CNTN4: variants seen among roughly 807,000 people sequenced by gnomAD.
CNTN4 encodes the protein contactin-4.
Under a neutral mutation model 122.5 loss-of-function variants are expected in CNTN4, and 77 were observed. The ratio of observed to expected loss-of-function variants is 0.63; its 90% CI spans 0.52 to 0.76. The LOEUF (loss-of-function observed/expected upper bound fraction) is 0.76, where lower values mean the gene tolerates loss of function less well. Among genes scored for constraint, CNTN4 ranks in the 30% least tolerant of loss-of-function variants. CNTN4 has a pLI of 0.00. For synonymous variants in CNTN4, 512 were observed against 447.0 expected, an observed-to-expected ratio of 1.15 and a Z score of -1.83; for missense variants, 1,256 against 1,259.1, an observed-to-expected ratio of 1.00 and a Z score of 0.04.
intron 8 of CNTN4, among the ~76,000 whole-genome samples, chr3:2,871,455 A>G (rs2093783333): frequency 6.6e-6 from 1 of 152,180 alleles, no homozygotes; most frequent in Admixed American, 6.6e-5. Flanking sequence ...GTTAAACTCT[A>G]AAGGGTTTAA....
chr3:2,214,870 C>T (rs1464055430), intron 2 of CNTN4, among the ~76,000 whole-genome samples: 1 of 152,108 alleles, frequency 6.6e-6, no homozygotes, highest in African/African-American at 2.4e-5. Context: ...TATTGGAGGT[C>T]ACTCAAAAAG....
At chr3:2,334,723 G>T (rs919641428) in intron 2 of CNTN4, among the ~76,000 whole-genome samples, 1 of 152,104 alleles carries the variant, frequency 6.6e-6, no homozygotes, top group Non-Finnish European at 1.5e-5. Flanking sequence ...ACAAATCCAG[G>T]TCTGACTCTA....
At chr3:2,689,021 A>G (rs2085585045) in intron 4 of CNTN4, among the ~76,000 whole-genome samples, 1 of 152,196 alleles carries the variant, frequency 6.6e-6, no homozygotes, top group Non-Finnish European at 1.5e-5. Context: ...TGAGACTGGA[A>G]TCTAGTCTAA....
chr3:2,270,640 GGA>G (rs1185378585), intron 2 of CNTN4, among the ~76,000 whole-genome samples: 1 of 148,054 alleles, frequency 6.8e-6, no homozygotes, highest in Non-Finnish European at 1.5e-5. Flanking sequence ...ATGATGACAA[GGA>G]GGGGGGAAAA....
intron 13 of CNTN4, 113 bp from the exon 14 acceptor site, chr3:2,988,232 A>G (rs1694754996): frequency 9.7e-7 from 1 of 1,025,956 alleles, no homozygotes; most frequent in Non-Finnish European, 1.5e-6. Context: ...TCTTTACTAC[A>G]AATAATGTAG....
At chr3:2,651,231 G>C (rs1432512412) in intron 4 of CNTN4, among the ~76,000 whole-genome samples, 1 of 152,014 alleles carries the variant, frequency 6.6e-6, no homozygotes, top group Non-Finnish European at 1.5e-5. Context: ...ATCTTTTTGA[G>C]CCTCTTTCCT....
chr3:2,235,736 T>G (rs1344809656), intron 2 of CNTN4, among the ~76,000 whole-genome samples: 1 of 152,218 alleles, frequency 6.6e-6, no homozygotes, highest in African/African-American at 2.4e-5. Context: ...TCTAGTATTA[T>G]GCTTATTCTT....
intron 3 of CNTN4, among the ~76,000 whole-genome samples, chr3:2,440,234 A>G (rs896297934): frequency 2.0e-5 from 3 of 152,158 alleles, no homozygotes; most frequent in African/African-American, 7.2e-5. Context: ...GGAAATCATC[A>G]TTCTCAGTAA....
intron 6 of CNTN4, among the ~76,000 whole-genome samples, chr3:2,750,069 C>A (rs77778946): frequency 2.0e-5 from 3 of 152,156 alleles, no homozygotes; most frequent in Non-Finnish European, 2.9e-5. Context: ...CATTAAAGGT[C>A]TCCTGGCCTG....
chr3:3,011,764 C>T (rs769746408), intron 14 of CNTN4, among the ~76,000 whole-genome samples: 14 of 152,112 alleles, frequency 9.2e-5, no homozygotes, highest in Non-Finnish European at 1.8e-4. Flanking sequence ...TTCATGTGAG[C>T]GTCTTCCTCT....
chr3:2,627,709 G>A (rs550267428), intron 4 of CNTN4, among the ~76,000 whole-genome samples: 39 of 152,066 alleles, frequency 2.6e-4, no homozygotes, highest in South Asian at 8.3e-4. Flanking sequence ...TAGCCAGGAT[G>A]GTCTCGATCT....
chr3:2,857,429 A>G (rs867848373), intron 7 of CNTN4, among the ~76,000 whole-genome samples: 1 of 152,142 alleles, frequency 6.6e-6, no homozygotes, highest in Non-Finnish European at 1.5e-5. Context: ...TAAAATACCA[A>G]ATTTTTAACA....
At chr3:3,033,539 C>T (rs961046209) in intron 16 of CNTN4, among the ~76,000 whole-genome samples, 1 of 152,116 alleles carries the variant, frequency 6.6e-6, no homozygotes, top group African/African-American at 2.4e-5. Flanking sequence ...GTGACATGGC[C>T]TGATAGTATT....
chr3:3,028,654 G>T (rs1047797716), intron 15 of CNTN4, among the ~76,000 whole-genome samples: 3 of 152,070 alleles, frequency 2.0e-5, no homozygotes, highest in African/African-American at 7.2e-5. Context: ...ATCCCCTGGG[G>T]CATATTTTTT....
chr3:2,172,166 C>CA (rs906562866), intron 2 of CNTN4, among the ~76,000 whole-genome samples: 1 of 151,742 alleles, frequency 6.6e-6, no homozygotes, highest in East Asian at 1.9e-4. Context: ...GATTGCAAAC[C>CA]AAAGAGTGGA....
At chr3:2,631,865 C>CAAAAAA (rs1157671569) in intron 4 of CNTN4, among the ~76,000 whole-genome samples, 3,502 of 69,502 alleles carry the variant, frequency 0.05, 176 homozygotes, top group Non-Finnish European at 0.068. Flanking sequence ...CGTATCTCTA[C>CAAAAAA]AAAAAAAAAA....
At chr3:2,145,897 C>G (rs2035225470) in intron 2 of CNTN4, among the ~76,000 whole-genome samples, 1 of 150,218 alleles carries the variant, frequency 6.7e-6, no homozygotes, top group Non-Finnish European at 1.5e-5. Flanking sequence ...GCATAATAGA[C>G]TAGAAAACAA....
intron 4 of CNTN4, among the ~76,000 whole-genome samples, chr3:2,621,278 G>A (rs972626110): frequency 6.6e-6 from 1 of 152,204 alleles, no homozygotes; most frequent in African/African-American, 2.4e-5. Context: ...GAAGTATTCT[G>A]TTCTGCCTAT....
intron 3 of CNTN4, among the ~76,000 whole-genome samples, chr3:2,391,105 T>C (rs1353853345): frequency 2.0e-5 from 3 of 152,208 alleles, no homozygotes; most frequent in African/African-American, 7.2e-5. Flanking sequence ...CCTTCCCTGC[T>C]GCACTACCTG....
Sources: allele counts gnomAD v4.1 joint callset (sites outside exome capture counted in the v4.1 genomes callset), GRCh38; gene constraint gnomAD v4.1.1; transcripts MANE v1.5; gene names NCBI Gene and HGNC (gene_info 2026-07-23, HGNC 2026-07-21).